Variants in PIP5K1B observed in about 807,000 individuals in gnomAD.
PIP5K1B encodes the protein phosphatidylinositol 4-phosphate 5-kinase type-1 beta.
Under a neutral mutation model 67.0 loss-of-function variants are expected in PIP5K1B, and 42 were observed. That is an observed-to-expected ratio of 0.63 (90% confidence interval 0.49 to 0.81). The LOEUF (loss-of-function observed/expected upper bound fraction) is 0.81, where lower values mean the gene tolerates loss of function less well. Ranked by LOEUF, PIP5K1B falls within the 30% of genes least tolerant of loss-of-function variation. The probability of loss-of-function intolerance (pLI) is 0.00; values close to 1 mark genes in which losing one functional copy is unlikely to be tolerated. For missense variants in PIP5K1B, 459 were observed against 646.3 expected (o/e 0.71, Z 3.14); for synonymous variants, 214 against 231.4 (o/e 0.92, Z 0.68).
intron 15 of PIP5K1B, among the ~76,000 whole-genome samples, chr9:68,993,456 C>G (rs1448309904): frequency 6.6e-6 from 1 of 152,022 alleles, no homozygotes; most frequent in Non-Finnish European, 1.5e-5. Context: ...AACAGCAGGT[C>G]CCCCACCAAC....
At chr9:68,809,684 C>T (rs921191584) in intron 2 of PIP5K1B, among the ~76,000 whole-genome samples, 3 of 152,158 alleles carry the variant, frequency 2.0e-5, no homozygotes, top group East Asian at 1.9e-4. Flanking sequence ...CAAGCCAACA[C>T]GGTGCCCAGA....
intron 5 of PIP5K1B, among the ~76,000 whole-genome samples, chr9:68,868,925 A>G (rs1259518951): frequency 6.6e-6 from 1 of 152,220 alleles, no homozygotes; most frequent in Non-Finnish European, 1.5e-5. Context: ...TTGGACAGCC[A>G]GGGAATACCC....
intron 8 of PIP5K1B, among the ~76,000 whole-genome samples, chr9:68,899,640 G>A (rs1295013907): frequency 2.6e-5 from 4 of 152,174 alleles, no homozygotes; most frequent in Non-Finnish European, 5.9e-5. Flanking sequence ...AATCACTTGG[G>A]ATTATTTGAA....
chr9:68,816,146 G>A (rs762700897), intron 2 of PIP5K1B, among the ~76,000 whole-genome samples: 3 of 151,694 alleles, frequency 2.0e-5, no homozygotes, highest in Non-Finnish European at 2.9e-5. Flanking sequence ...TTGTTTTTTC[G>A]AGACAGAGTT....
intron 8 of PIP5K1B, among the ~76,000 whole-genome samples, chr9:68,911,282 A>G (rs1477002744): frequency 6.6e-6 from 1 of 151,778 alleles, no homozygotes; most frequent in East Asian, 1.9e-4. Flanking sequence ...CTGAGGCAGG[A>G]ACATTGCTTG....
intron 5 of PIP5K1B, among the ~76,000 whole-genome samples, chr9:68,871,811 A>G (rs1423470326): frequency 6.6e-6 from 1 of 152,046 alleles, no homozygotes; most frequent in Non-Finnish European, 1.5e-5. Context: ...TTACTGGCCC[A>G]TGGGATCCAA....
At chr9:68,723,909 G>A (rs1385870997) in intron 1 of PIP5K1B, among the ~76,000 whole-genome samples, 1 of 151,372 alleles carries the variant, frequency 6.6e-6, no homozygotes, top group Non-Finnish European at 1.5e-5. Flanking sequence ...TGTTTTTGTT[G>A]CCTGTGCTTT....
intron 12 of PIP5K1B, among the ~76,000 whole-genome samples, chr9:68,929,447 T>C (rs1826882138): frequency 6.6e-6 from 1 of 152,136 alleles, no homozygotes; most frequent in Non-Finnish European, 1.5e-5. Context: ...TCCTCAACGA[T>C]CTGTCTCTCT....
intron 2 of PIP5K1B, among the ~76,000 whole-genome samples, chr9:68,777,272 C>G (rs913245520): frequency 6.6e-6 from 1 of 152,186 alleles, no homozygotes; most frequent in Non-Finnish European, 1.5e-5. Flanking sequence ...CAAGTACTTA[C>G]TCAGTACAAT....
At chr9:68,752,320 C>T (rs1829673480) in intron 2 of PIP5K1B, among the ~76,000 whole-genome samples, 1 of 152,134 alleles carries the variant, frequency 6.6e-6, no homozygotes, top group Admixed American at 6.5e-5. Context: ...TAGAGATCTT[C>T]AAGTTCAGCT....
At chr9:68,995,576 CG>C (rs1226322543) in intron 15 of PIP5K1B, among the ~76,000 whole-genome samples, 19 of 152,018 alleles carry the variant, frequency 1.2e-4, no homozygotes, top group African/African-American at 4.6e-4. Context: ...GAGGCCGAGG[CG>C]GGCAGATCAC....
intron 14 of PIP5K1B, among the ~76,000 whole-genome samples, chr9:68,941,380 G>A (rs1827554043): frequency 6.6e-6 from 1 of 152,206 alleles, no homozygotes; most frequent in African/African-American, 2.4e-5. Context: ...GAAGAAAGGT[G>A]AGAATCAGAG....
intron 1 of PIP5K1B, among the ~76,000 whole-genome samples, chr9:68,717,733 T>A (rs1474009953): frequency 6.6e-6 from 1 of 152,210 alleles, no homozygotes; most frequent in Non-Finnish European, 1.5e-5. Context: ...GGGGATACAT[T>A]CAGTACCTTG....
intron 2 of PIP5K1B, among the ~76,000 whole-genome samples, chr9:68,794,271 G>A (rs1244815797): frequency 1.3e-5 from 2 of 152,188 alleles, no homozygotes; most frequent in Non-Finnish European, 2.9e-5. Flanking sequence ...GAACTGAAGC[G>A]AAAGGTCATC....
At chr9:68,976,564 G>A (rs779042538) in intron 14 of PIP5K1B, among the ~76,000 whole-genome samples, 1 of 152,160 alleles carries the variant, frequency 6.6e-6, no homozygotes, top group Non-Finnish European at 1.5e-5. Context: ...AGGGGCCATC[G>A]GTGCCCTATG....
At chr9:68,836,764 A>T (rs1834635350) in intron 4 of PIP5K1B, among the ~76,000 whole-genome samples, 1 of 152,076 alleles carries the variant, frequency 6.6e-6, no homozygotes, top group Admixed American at 6.5e-5. Context: ...AAAGCTCCTG[A>T]TTTACCTGGT....
chr9:68,901,162 C>T (rs755420010), intron 8 of PIP5K1B, among the ~76,000 whole-genome samples: 4 of 152,182 alleles, frequency 2.6e-5, no homozygotes, highest in Admixed American at 6.5e-5. Flanking sequence ...ATTATCCTCT[C>T]ATCAATAAGG....
chr9:68,787,399 A>G (rs1831686464), intron 2 of PIP5K1B, among the ~76,000 whole-genome samples: 1 of 152,202 alleles, frequency 6.6e-6, no homozygotes, highest in South Asian at 2.1e-4. Flanking sequence ...GTCCTTTTGT[A>G]GAAGTACAAG....
intron 8 of PIP5K1B, among the ~76,000 whole-genome samples, chr9:68,895,577 T>G (rs1825041936): frequency 6.6e-6 from 1 of 151,242 alleles, no homozygotes. Flanking sequence ...ACACCCCTTC[T>G]AAGGTATAAA....
Sources: gnomAD v4.1 joint callset for allele counts (sites outside exome capture counted in the v4.1 genomes callset) on GRCh38, gnomAD v4.1.1 for gene constraint, MANE v1.5 for transcripts, NCBI Gene and HGNC (gene_info 2026-07-23, HGNC 2026-07-21) for gene names.